ASTN2: variants seen among roughly 807,000 people sequenced by gnomAD.
The protein encoded by ASTN2 is astrotactin-2.
In ASTN2, 54 loss-of-function variants were observed where a neutral mutation model predicts 139.8. The ratio of observed to expected loss-of-function variants is 0.39; its 90% CI spans 0.31 to 0.48. ASTN2 has a LOEUF of 0.48. Among genes scored for constraint, ASTN2 ranks in the 20% least tolerant of loss-of-function variants. The pLI, the probability that ASTN2 is intolerant of heterozygous loss-of-function variation, is 0.95. For synonymous variants in ASTN2, 756 were observed against 719.5 expected, an observed-to-expected ratio of 1.05 and a Z score of -0.81; for missense variants, 1,565 against 1,725.1, an observed-to-expected ratio of 0.91 and a Z score of 1.64.
At chr9:117,243,743 C>G (rs140752616) in intron 2 of ASTN2, among the ~76,000 whole-genome samples, 6 of 152,122 alleles carry the variant, frequency 3.9e-5, no homozygotes, top group Admixed American at 3.9e-4. Flanking sequence ...TTCTTAACCC[C>G]GCCACCCCTC....
chr9:116,859,809 G>A, intron 11 of ASTN2, among the ~76,000 whole-genome samples: 1 of 152,234 alleles, frequency 6.6e-6, no homozygotes, highest in Non-Finnish European at 1.5e-5. Flanking sequence ...CAAGCATGGT[G>A]AGTGATCCTC....
chr9:117,378,789 G>C (rs1187976920), intron 1 of ASTN2, among the ~76,000 whole-genome samples: 1 of 152,168 alleles, frequency 6.6e-6, no homozygotes, highest in Non-Finnish European at 1.5e-5. Flanking sequence ...ATATGTTTTA[G>C]ATCTGTGTCC....
intron 1 of ASTN2, among the ~76,000 whole-genome samples, chr9:117,374,714 C>T (rs149714955): frequency 2.4e-4 from 37 of 152,258 alleles, no homozygotes; most frequent in Middle Eastern, 3.4e-3. Flanking sequence ...GAGGTATAGT[C>T]TTGCTGAATA....
At position 116,926,663 on chromosome 9, in the gene ASTN2, A is replaced by T. The variant is rs1399216278; in HGVS notation, c.1889+48545T>A. Among the ~76,000 whole-genome samples, 7 of 152,192 alleles carry T rather than the reference A, an allele frequency of 4.6e-5. No homozygotes were observed. The East Asian group carries it at 1.3e-3, about 29-fold the overall frequency. On this transcript the variant is annotated intron_variant, in intron 10 of 22. Transcript: ENST00000313400. ...AGGCACTATCTTATGGACCTTATATACTTTGCTTCATTTAAGTCTTTTCCA... is the reference window on the plus strand; with the variant it reads ...AGGCACTATCTTATGGACCTTATATTCTTTGCTTCATTTAAGTCTTTTCCA...
At chr9:117,279,996 T>C (rs117531648) in intron 2 of ASTN2, among the ~76,000 whole-genome samples, 12 of 152,318 alleles carry the variant, frequency 7.9e-5, no homozygotes, top group Non-Finnish European at 1.3e-4. Context: ...TTTATTTTGG[T>C]CCAGGATCCC....
intron 3 of ASTN2, among the ~76,000 whole-genome samples, chr9:117,203,834 G>T (rs933590666): frequency 2.8e-4 from 42 of 152,178 alleles, no homozygotes; most frequent in African/African-American, 9.7e-4. Context: ...TCATCCAGTT[G>T]GATGGCATGG....
intron 4 of ASTN2, among the ~76,000 whole-genome samples, chr9:117,102,481 T>C (rs183359311): frequency 1.3e-5 from 2 of 152,260 alleles, no homozygotes; most frequent in East Asian, 3.9e-4. Context: ...TACAACCTTG[T>C]GAATGTACTA....
intron 19 of ASTN2, among the ~76,000 whole-genome samples, chr9:116,511,415 T>A (rs1485583621): frequency 6.6e-6 from 1 of 152,198 alleles, no homozygotes; most frequent in Non-Finnish European, 1.5e-5. Context: ...CAGTATTTTA[T>A]TGAGGATTTT....
intron 19 of ASTN2, among the ~76,000 whole-genome samples, chr9:116,571,597 T>G (rs979457226): frequency 6.6e-6 from 1 of 152,176 alleles, no homozygotes; most frequent in East Asian, 1.9e-4. Flanking sequence ...GGTGGATCCA[T>G]GTGGCACACG....
At chr9:117,193,735 G>T (rs1436015102) in intron 3 of ASTN2, among the ~76,000 whole-genome samples, 5 of 151,338 alleles carry the variant, frequency 3.3e-5, no homozygotes, top group Non-Finnish European at 5.9e-5. Flanking sequence ...AATCCCACAT[G>T]CAACCACTTT....
chr9:116,755,608 T>G (rs1829513049), intron 13 of ASTN2, among the ~76,000 whole-genome samples: 1 of 152,238 alleles, frequency 6.6e-6, no homozygotes, highest in South Asian at 2.1e-4. Flanking sequence ...TTTCTTTTGC[T>G]TAACCCATCC....
Position 116,828,476 on chromosome 9 carries a change from C to T in ASTN2, c.2041-7693G>A, listed in dbSNP as rs1331897669. On this transcript the variant is annotated intron_variant, in intron 11 of 22. Coordinates refer to ENST00000313400, the MANE Select transcript of ASTN2 (RefSeq NM_001365068.1). ...TTCAGGAAAAAAGCCATACAATAATCTCCATAGATACAGAAAAAAAAGCAT... is the reference window on the plus strand; with the variant it reads ...TTCAGGAAAAAAGCCATACAATAATTTCCATAGATACAGAAAAAAAAGCAT... 2.6e-5 allele frequency among the ~76,000 whole-genome samples: 4 copies of T among 152,074 alleles called. No homozygotes were observed. In the East Asian group the frequency reaches 7.8e-4, roughly 29 times the overall value.
rs1197568303 is a variant in ASTN2 at position 116,651,578 on chromosome 9, T to A, written c.3022A>T (p.Asn1008Tyr). 2 of 1,614,162 alleles carry A rather than the reference T, an allele frequency of 1.2e-6. No individual in the cohort carries two copies. The highest frequency in any genetic ancestry group is 1.7e-6 in the Non-Finnish European group (2 of 1,180,028). The change falls in exon 17 of 23, where the codon AAC (asparagine) becomes TAC (tyrosine). Residue 1008 changes from asparagine to tyrosine, a missense_variant. Coordinates refer to ENST00000313400, the MANE Select transcript of ASTN2 (RefSeq NM_001365068.1). ...AGGGTATAAAGTGGCACCACACGGTTGATTTCCAGCAGCACTGGTGTGGGG... is the reference window on the plus strand; with the variant it reads ...AGGGTATAAAGTGGCACCACACGGTAGATTTCCAGCAGCACTGGTGTGGGG... Reference protein sequence around the residue: ...LSPTPVLLEINRVVPLYTLIQ... With the variant: ...LSPTPVLLEIYRVVPLYTLIQ...
chr9:116,760,720 C>G (rs1588270859), intron 13 of ASTN2, among the ~76,000 whole-genome samples: 1 of 152,100 alleles, frequency 6.6e-6, no homozygotes, highest in Non-Finnish European at 1.5e-5. Context: ...CACTTTGACT[C>G]TACCACTTGC....
chr9:116,805,109 AGT>A (rs10681699), intron 13 of ASTN2, among the ~76,000 whole-genome samples: 6,581 of 142,990 alleles, frequency 0.046, 428 homozygotes, highest in African/African-American at 0.15. Context: ...GGATTTGGGG[AGT>A]GTGTGTGTGT....
chr9:117,323,541 C>A (rs931754886), intron 1 of ASTN2, among the ~76,000 whole-genome samples: 1 of 152,170 alleles, frequency 6.6e-6, no homozygotes, highest in Non-Finnish European at 1.5e-5. Context: ...CAGCCCCCAC[C>A]CTTCAGAACA....
chr9:117,119,608 G>T (rs1829489572), intron 4 of ASTN2, among the ~76,000 whole-genome samples: 1 of 152,172 alleles, frequency 6.6e-6, no homozygotes, highest in Admixed American at 6.5e-5. Context: ...CTAGATTTGA[G>T]TCCAACTTCT....
At chr9:117,407,946 C>T (rs953398050) in intron 1 of ASTN2, among the ~76,000 whole-genome samples, 5 of 152,136 alleles carry the variant, frequency 3.3e-5, no homozygotes, top group African/African-American at 9.7e-5. Context: ...AGGTTAAACC[C>T]GACTCTTTTT....
chr9:116,566,114 A>T (rs924156491), intron 19 of ASTN2, among the ~76,000 whole-genome samples: 2 of 152,186 alleles, frequency 1.3e-5, no homozygotes, highest in African/African-American at 4.8e-5. Flanking sequence ...ACTATAAAAG[A>T]AAAAAACAAT....
Sources: allele counts gnomAD v4.1 joint callset (sites outside exome capture counted in the v4.1 genomes callset), GRCh38; gene constraint gnomAD v4.1.1; transcripts MANE v1.5; gene names NCBI Gene and HGNC (gene_info 2026-07-23, HGNC 2026-07-21).